Variants in ANKRD17 observed in about 807,000 individuals in gnomAD.
ANKRD17 encodes the protein ankyrin repeat domain 17.
ANKRD17 carries 19 observed loss-of-function variants against 229.7 expected under a neutral mutation model. That is an observed-to-expected ratio of 0.08 (90% CI 0.06 to 0.12). ANKRD17 has a LOEUF of 0.12. ANKRD17 is among the 10% of genes least tolerant of loss of function. ANKRD17 has a pLI of 1.00. For synonymous variants in ANKRD17, 1,112 were observed against 1,146.1 expected (o/e 0.97, Z 0.60); for missense variants, 2,176 against 3,176.8 (o/e 0.68, Z 7.57).
chr4:73,214,648 A>G (rs556067460), intron 1 of ANKRD17, among the ~76,000 whole-genome samples: 16 of 151,954 alleles, frequency 1.1e-4, no homozygotes, highest in African/African-American at 2.7e-4. Context: ...TTAAAAAAAA[A>G]AGAGAGAAAA....
intron 19 of ANKRD17, 128 bp downstream of exon 19, chr4:73,121,489 C>T (rs949045029): frequency 8.6e-7 from 1 of 1,161,386 alleles, no homozygotes; most frequent in African/African-American, 1.5e-5. Context: ...TCAAAAATCT[C>T]TAACACTTTG....
intron 25 of ANKRD17, among the ~76,000 whole-genome samples, chr4:73,100,457 T>TAA (rs1193525895): frequency 8.2e-6 from 1 of 122,110 alleles, no homozygotes. Flanking sequence ...GTTACTTGAA[T>TAA]AAAAAAAAAA....
At position 73,149,243 on chromosome 4, in the gene ANKRD17, T is replaced by C. The variant is rs112217115; in HGVS notation, c.1330-193A>G. Among the ~76,000 whole-genome samples, 295 of 151,910 alleles carry C rather than the reference T, an allele frequency of 1.9e-3. 1 individual carries two copies. The highest frequency in any genetic ancestry group is 6.6e-3 in the African/African-American group (274 of 41,438). On this transcript the variant is annotated intron_variant, in intron 7 of 33. Transcript: ENST00000358602. ...ATTCTGTTAACATAGAAGAGGGAAA[T>C]AGAGATTGAAAATATAAAATAAGTA...
chr4:73,213,131 A>C (rs755407774), intron 1 of ANKRD17, among the ~76,000 whole-genome samples: 1 of 152,150 alleles, frequency 6.6e-6, no homozygotes, highest in Non-Finnish European at 1.5e-5. Flanking sequence ...TTAGTTTCTC[A>C]AACTTAAGCA....
At chr4:73,183,885 T>A (rs1735918181) in intron 1 of ANKRD17, among the ~76,000 whole-genome samples, 1 of 152,196 alleles carries the variant, frequency 6.6e-6, no homozygotes, top group Non-Finnish European at 1.5e-5. Flanking sequence ...ACAGAAAAAC[T>A]ATTATTTAAC....
intron 18 of ANKRD17, among the ~76,000 whole-genome samples, chr4:73,124,609 A>G (rs545886613): frequency 6.6e-6 from 1 of 152,206 alleles, no homozygotes; most frequent in African/African-American, 2.4e-5. Context: ...GCAGGCAAAG[A>G]TGAGTGAATA....
intron 16 of ANKRD17, 26 bp downstream of exon 16, chr4:73,135,091 C>G (rs200193235): frequency 5.1e-5 from 81 of 1,587,216 alleles, no homozygotes; most frequent in Admixed American, 8.7e-5. Context: ...AATGAAAAAA[C>G]CATCTCTCTT....
At chr4:73,118,874 CATTGTCTT>C in intron 21 of ANKRD17, 24 bp from the exon 22 acceptor site, 1 of 1,222,066 alleles carries the variant, frequency 8.2e-7, no homozygotes, top group Non-Finnish European at 1.1e-6. Flanking sequence ...ACACAGATAG[CATTGTCTT>C]TTTTTTTTTT....
At chr4:73,176,339 T>A (rs1400693263) in intron 2 of ANKRD17, among the ~76,000 whole-genome samples, 1 of 152,166 alleles carries the variant, frequency 6.6e-6, no homozygotes, top group Admixed American at 6.5e-5. Flanking sequence ...GGAATCCTCA[T>A]ATACTATTGG....
chr4:73,123,856 C>T (rs1175763359), intron 18 of ANKRD17, among the ~76,000 whole-genome samples: 4 of 151,836 alleles, frequency 2.6e-5, no homozygotes, highest in African/African-American at 4.8e-5. Flanking sequence ...AACAGTTCCC[C>T]AGTTCACTCG....
intron 1 of ANKRD17, among the ~76,000 whole-genome samples, chr4:73,219,523 T>C (rs1053305562): frequency 5.9e-5 from 9 of 152,164 alleles, no homozygotes; most frequent in Non-Finnish European, 1.2e-4. Context: ...TTCAATTTTA[T>C]TTAAAAAACA....
intron 1 of ANKRD17, among the ~76,000 whole-genome samples, chr4:73,250,406 G>A (rs1744883645): frequency 6.6e-6 from 1 of 151,546 alleles, no homozygotes. Context: ...TTTGCGACCA[G>A]CCGGGCAAAC....
intron 10 of ANKRD17, among the ~76,000 whole-genome samples, chr4:73,145,040 G>A (rs1408748431): frequency 6.6e-6 from 1 of 152,062 alleles, no homozygotes; most frequent in Non-Finnish European, 1.5e-5. Flanking sequence ...TTTAGTATAT[G>A]TGCTGCCAAA....
At chr4:73,244,438 T>C (rs1264595577) in intron 1 of ANKRD17, among the ~76,000 whole-genome samples, 1 of 152,154 alleles carries the variant, frequency 6.6e-6, no homozygotes, top group South Asian at 2.1e-4. Flanking sequence ...ACTAGCTACA[T>C]GTAATATTTA....
chr4:73,079,904 G>C (rs371350114), intron 30 of ANKRD17, among the ~76,000 whole-genome samples: 4 of 152,014 alleles, frequency 2.6e-5, no homozygotes, highest in East Asian at 3.9e-4. Flanking sequence ...CATGGGATCA[G>C]GAGTTCGAGG....
chr4:73,247,401 A>G (rs1437645321), intron 1 of ANKRD17, among the ~76,000 whole-genome samples: 9 of 152,104 alleles, frequency 5.9e-5, no homozygotes, highest in African/African-American at 2.2e-4. Context: ...TTCATACTCA[A>G]AAATAACTGT....
intron 10 of ANKRD17, among the ~76,000 whole-genome samples, chr4:73,146,474 T>G (rs770707199): frequency 6.6e-6 from 1 of 152,066 alleles, no homozygotes; most frequent in Non-Finnish European, 1.5e-5. Flanking sequence ...GAAAAGCTTC[T>G]AAAAATAGTT....
chr4:73,079,943 T>G (rs1378798585), intron 30 of ANKRD17, among the ~76,000 whole-genome samples: 1 of 151,486 alleles, frequency 6.6e-6, no homozygotes, highest in Non-Finnish European at 1.5e-5. Flanking sequence ...CTGTCTCTAC[T>G]AAAAATACAA....
intron 1 of ANKRD17, among the ~76,000 whole-genome samples, chr4:73,179,989 TA>T (rs1476100559): frequency 2.0e-5 from 3 of 152,062 alleles, no homozygotes; most frequent in Admixed American, 1.3e-4. Flanking sequence ...TGAAATTTAT[TA>T]AAATATTTAC....
Sources: allele counts gnomAD v4.1 joint callset (sites outside exome capture counted in the v4.1 genomes callset), GRCh38; gene constraint gnomAD v4.1.1; transcripts MANE v1.5; gene names NCBI Gene and HGNC (gene_info 2026-07-23, HGNC 2026-07-21).